ZNF804A: variants seen among roughly 807,000 people sequenced by gnomAD.
ZNF804A encodes zinc finger protein 804A.
ZNF804A carries 2 observed loss-of-function variants against 16.5 expected under a neutral mutation model. The observed-to-expected ratio is 0.12, with a 90% CI of 0.05 to 0.38. The LOEUF is 0.38. Among genes scored for constraint, ZNF804A ranks in the 10% least tolerant of loss-of-function variants. The pLI is 0.99. For missense variants in ZNF804A, 1,473 were observed against 1,390.7 expected (o/e 1.06, Z -0.94); for synonymous variants, 534 against 489.6 (o/e 1.09, Z -1.20).
intron 1 of ZNF804A, among the ~76,000 whole-genome samples, chr2:184,663,693 C>CGAT (rs1692215435): frequency 6.6e-6 from 1 of 152,134 alleles, no homozygotes; most frequent in East Asian, 1.9e-4. Context: ...TGGGGCCCAC[C>CGAT]GATGGCAACC....
chr2:184,685,939 T>C (rs1416569711), intron 1 of ZNF804A, among the ~76,000 whole-genome samples: 1 of 152,246 alleles, frequency 6.6e-6, no homozygotes, highest in African/African-American at 2.4e-5. Context: ...CCTCAGCCTC[T>C]GATGGCCTTC....
intron 1 of ZNF804A, among the ~76,000 whole-genome samples, chr2:184,716,477 A>C (rs1033752334): frequency 3.3e-5 from 5 of 152,112 alleles, no homozygotes; most frequent in Non-Finnish European, 7.4e-5. Flanking sequence ...CATAATATAA[A>C]AATTTTGCAA....
At chr2:184,703,030 C>G (rs2105732187) in intron 1 of ZNF804A, among the ~76,000 whole-genome samples, 1 of 152,210 alleles carries the variant, frequency 6.6e-6, no homozygotes, top group Admixed American at 6.5e-5. Context: ...TGTCTGGCTT[C>G]TTTTGTTTTT....
At chr2:184,670,806 ATTC>A (rs1692329223) in intron 1 of ZNF804A, among the ~76,000 whole-genome samples, 2 of 151,838 alleles carry the variant, frequency 1.3e-5, no homozygotes, top group Admixed American at 1.3e-4. Context: ...AATTTTGATT[ATTC>A]TTGTTGGATT....
In ZNF804A at chr2:184,783,138, G is replaced by GTTTTTT. The variant is rs57207733; in HGVS notation, c.112-83211_112-83206dup. On this transcript the variant is annotated intron_variant, in intron 1 of 3. Coordinates refer to ENST00000302277, the MANE Select transcript of ZNF804A (RefSeq NM_194250.2). ...AAAAAAGAATTATATAAAAGAGTGA[G>GTTTTTT]TTTTTTTTTTTTTTTTTTTTTTTTT... is the stretch of plus-strand genomic sequence containing the variant. Among the ~76,000 whole-genome samples, 68 of 86,088 alleles carry GTTTTTT rather than the reference G, an allele frequency of 7.9e-4. 3 individuals carry two copies. Among genetic ancestry groups the GTTTTTT allele is most frequent in the East Asian group, 1.3e-3 (3 of 2,266 alleles). 56.5% of individuals were successfully genotyped at this position (86,088 alleles called of 152,430 possible).
At chr2:184,747,630 G>T (rs1693810276) in intron 1 of ZNF804A, among the ~76,000 whole-genome samples, 1 of 150,720 alleles carries the variant, frequency 6.6e-6, no homozygotes, top group Non-Finnish European at 1.5e-5. Flanking sequence ...TTTCATATCA[G>T]GTAATGTTTG....
chr2:184,915,785 T>C (rs977155895), intron 2 of ZNF804A, among the ~76,000 whole-genome samples: 1 of 152,156 alleles, frequency 6.6e-6, no homozygotes, highest in African/African-American at 2.4e-5. Context: ...AGATCTGATA[T>C]GTCATTAAGA....
chr2:184,799,524 C>G (rs1233686257), intron 1 of ZNF804A, among the ~76,000 whole-genome samples: 1 of 151,504 alleles, frequency 6.6e-6, no homozygotes, highest in Non-Finnish European at 1.5e-5. Context: ...GTATCTTCTA[C>G]TTCTTCTTTT....
chr2:184,902,955 A>G (rs1685209894), intron 2 of ZNF804A, among the ~76,000 whole-genome samples: 1 of 152,204 alleles, frequency 6.6e-6, no homozygotes, highest in African/African-American at 2.4e-5. Flanking sequence ...ATCAAATAAA[A>G]AAGACTATAC....
intron 1 of ZNF804A, among the ~76,000 whole-genome samples, chr2:184,753,748 CAGA>C (rs929671124): frequency 4.0e-5 from 6 of 151,786 alleles, no homozygotes; most frequent in African/African-American, 9.7e-5. Context: ...TCAAAAAAAT[CAGA>C]AGATTTCTAA....
At chr2:184,924,280 C>G (rs1222462021) in intron 2 of ZNF804A, among the ~76,000 whole-genome samples, 1 of 151,540 alleles carries the variant, frequency 6.6e-6, no homozygotes, top group Admixed American at 6.6e-5. Flanking sequence ...TTTTGGAGTT[C>G]TTCATGGTTC....
At chr2:184,671,521 G>T (rs1396956714) in intron 1 of ZNF804A, among the ~76,000 whole-genome samples, 1 of 152,030 alleles carries the variant, frequency 6.6e-6, no homozygotes, top group Non-Finnish European at 1.5e-5. Flanking sequence ...TTTAGGTTTT[G>T]GTATTTATGG....
intron 1 of ZNF804A, among the ~76,000 whole-genome samples, chr2:184,645,904 G>A (rs1016253307): frequency 6.6e-6 from 1 of 152,154 alleles, no homozygotes; most frequent in Non-Finnish European, 1.5e-5. Context: ...ACATGAGAGA[G>A]GCAGAGAGCC....
At chr2:184,707,032 T>G (rs1398135184) in intron 1 of ZNF804A, among the ~76,000 whole-genome samples, 1 of 152,188 alleles carries the variant, frequency 6.6e-6, no homozygotes, top group Admixed American at 6.6e-5. Flanking sequence ...CCAGGTTTGT[T>G]AACTTCATAG....
chr2:184,672,048 CA>C lies in ZNF804A; in HGVS notation c.111+72979del, dbSNP rs1692346042. Among the ~76,000 whole-genome samples, 3 of 152,286 alleles carry C rather than the reference CA, an allele frequency of 2.0e-5. No individual in the cohort carries two copies. The South Asian group carries it at 6.2e-4, about 32-fold the overall frequency. On this transcript the variant is annotated intron_variant, in intron 1 of 3. Coordinates refer to ENST00000302277, the MANE Select transcript of ZNF804A (RefSeq NM_194250.2). The stretch of plus-strand genomic sequence containing the variant: ...CAGAACAGGGGAAGCTTAAATGCTG[CA>C]CCTGTGAGCTGTGTGTCAAACTTTC...
In ZNF804A at chr2:184,675,107, A is replaced by G. The variant is rs567872173; in HGVS notation, c.111+76037A>G. On this transcript the variant is annotated intron_variant, in intron 1 of 3. Coordinates refer to ENST00000302277, the MANE Select transcript of ZNF804A (RefSeq NM_194250.2). ...TTATGTAAGTATGTACTGTGCATGT[A>G]TGAGTGTTTTGTGTTTAGTTATGAA... 5.8e-4 allele frequency among the ~76,000 whole-genome samples: 88 copies of G among 151,924 alleles called. No individual in the cohort carries two copies. In the South Asian group the frequency reaches 0.018, roughly 31 times the overall value.
At chr2:184,852,358 G>T (rs1014357514) in intron 1 of ZNF804A, among the ~76,000 whole-genome samples, 3 of 151,408 alleles carry the variant, frequency 2.0e-5, no homozygotes, top group Admixed American at 2.0e-4. Flanking sequence ...ATGGATAAAA[G>T]GGGGCTACTG....
intron 1 of ZNF804A, among the ~76,000 whole-genome samples, chr2:184,769,365 T>A (rs1230399018): frequency 1.3e-5 from 2 of 152,108 alleles, no homozygotes; most frequent in African/African-American, 4.8e-5. Context: ...TACCTATGTA[T>A]CATTTTCTCA....
At chr2:184,607,362 T>A (rs961705059) in intron 1 of ZNF804A, among the ~76,000 whole-genome samples, 4 of 152,202 alleles carry the variant, frequency 2.6e-5, no homozygotes, top group Non-Finnish European at 5.9e-5. Context: ...TCTGCATATC[T>A]GAGGAGGCCT....
Sources: gnomAD v4.1 joint callset for allele counts (sites outside exome capture counted in the v4.1 genomes callset) on GRCh38, gnomAD v4.1.1 for gene constraint, MANE v1.5 for transcripts, NCBI Gene and HGNC (gene_info 2026-07-23, HGNC 2026-07-21) for gene names.